RALYL: variants seen among roughly 807,000 people sequenced by gnomAD.
RALYL encodes RNA-binding Raly-like protein.
In RALYL, 29 loss-of-function variants were observed where a neutral mutation model predicts 35.1. The ratio of observed to expected loss-of-function variants is 0.83; its 90% CI spans 0.61 to 1.13. RALYL has a LOEUF of 1.13. Ranked by LOEUF, RALYL falls within the 50% of genes most tolerant of loss-of-function variation. RALYL has a pLI of 0.00. For synonymous variants in RALYL, 120 were observed against 127.6 expected (o/e 0.94, Z 0.40); for missense variants, 359 against 360.4 (o/e 1.00, Z 0.03).
intron 2 of RALYL, among the ~76,000 whole-genome samples, chr8:84,569,520 C>T: frequency 6.6e-6 from 1 of 151,812 alleles, no homozygotes; most frequent in Non-Finnish European, 1.5e-5. Context: ...CAAATATTTT[C>T]TCTCATTCTG....
chr8:84,835,490 C>A (rs1242099332), intron 4 of RALYL, among the ~76,000 whole-genome samples: 1 of 128,720 alleles, frequency 7.8e-6, no homozygotes, highest in Non-Finnish European at 1.6e-5. Context: ...CATGGAGAAA[C>A]CCTGTCTCTA....
intron 1 of RALYL, among the ~76,000 whole-genome samples, chr8:84,319,960 T>A (rs537999349): frequency 2.0e-4 from 31 of 152,092 alleles, no homozygotes; most frequent in Non-Finnish European, 3.7e-4. Flanking sequence ...TGTATAAAAC[T>A]CTTGCATTAC....
At chr8:84,915,703 T>G (rs2135740396) in intron 8 of RALYL, among the ~76,000 whole-genome samples, 1 of 152,212 alleles carries the variant, frequency 6.6e-6, no homozygotes, top group Non-Finnish European at 1.5e-5. Context: ...GCTTCACCAC[T>G]GAACCACTCT....
At chr8:84,872,194 A>C (rs1840309713) in intron 6 of RALYL, among the ~76,000 whole-genome samples, 1 of 152,164 alleles carries the variant, frequency 6.6e-6, no homozygotes, top group Non-Finnish European at 1.5e-5. Flanking sequence ...TGGCTTTAAA[A>C]TCTTTCATCT....
intron 2 of RALYL, among the ~76,000 whole-genome samples, chr8:84,645,658 C>A (rs367558545): frequency 6.6e-6 from 1 of 152,184 alleles, no homozygotes; most frequent in African/African-American, 2.4e-5. Flanking sequence ...TACCCCCAGT[C>A]CTTTGGTCAG....
chr8:84,409,279 A>C (rs949902449), intron 1 of RALYL, among the ~76,000 whole-genome samples: 14 of 152,126 alleles, frequency 9.2e-5, no homozygotes, highest in African/African-American at 3.4e-4. Flanking sequence ...AATTACTCAA[A>C]TATTGTATTG....
chr8:84,394,544 G>A (rs1861378303), intron 1 of RALYL, among the ~76,000 whole-genome samples: 2 of 151,882 alleles, frequency 1.3e-5, no homozygotes, highest in Admixed American at 1.3e-4. Context: ...AATATGATTA[G>A]GATGCTTACT....
Position 84,529,313 on chromosome 8 carries a change from G to C in RALYL, c.-9G>C. 1 of 1,563,268 alleles carries C rather than the reference G, an allele frequency of 6.4e-7. No individual in the cohort carries two copies. Among genetic ancestry groups the C allele is most frequent in the Middle Eastern group, 1.7e-4 (1 of 5,998 alleles). ...GTTTGTTTAAGGATTAAAGCAAGGA[G>C]AGCCAATCATGACTGGCAAAACACA... On this transcript the variant is annotated 5_prime_UTR_variant, in exon 2 of 9. Transcript: ENST00000521268.
intron 1 of RALYL, among the ~76,000 whole-genome samples, chr8:84,522,881 C>A (rs979248116): frequency 1.3e-5 from 2 of 152,192 alleles, no homozygotes; most frequent in Admixed American, 6.5e-5. Flanking sequence ...CATTCTCATG[C>A]TGCTAATAAA....
intron 1 of RALYL, among the ~76,000 whole-genome samples, chr8:84,223,189 C>CATT (rs1822872516): frequency 8.7e-6 from 1 of 114,794 alleles, no homozygotes; most frequent in East Asian, 2.7e-4. Flanking sequence ...CCTTCCCTTC[C>CATT]CTTCCCTTCC....
intron 1 of RALYL, among the ~76,000 whole-genome samples, chr8:84,371,562 C>A (rs1855708915): frequency 6.7e-6 from 1 of 148,984 alleles, no homozygotes; most frequent in African/African-American, 2.6e-5. Flanking sequence ...CACACACACA[C>A]ACACACACAC....
At chr8:84,262,226 T>C (rs1832446736) in intron 1 of RALYL, among the ~76,000 whole-genome samples, 1 of 152,180 alleles carries the variant, frequency 6.6e-6, no homozygotes, top group African/African-American at 2.4e-5. Flanking sequence ...TTCTGGCAAC[T>C]GTGTTATTTC....
chr8:84,584,475 C>T (rs1344780224), intron 2 of RALYL, among the ~76,000 whole-genome samples: 2 of 151,906 alleles, frequency 1.3e-5, no homozygotes, highest in Non-Finnish European at 2.9e-5. Flanking sequence ...TGGTGGCGTG[C>T]ATCTGTAGTC....
rs146656352 is a variant in RALYL at position 84,758,126 on chromosome 8, G to A, written c.257-16453G>A. Among the ~76,000 whole-genome samples, 318 of 152,156 alleles carry A rather than the reference G, an allele frequency of 2.1e-3. 4 individuals carry two copies. The highest frequency in any genetic ancestry group is 6.9e-3 in the African/African-American group (286 of 41,528). Reference sequence around the variant, plus strand: ...TCAACACTGAGGTTTTATTCCATTCGTAATCCAAATAAAAGCTGACTAAAT... The same window carrying A: ...TCAACACTGAGGTTTTATTCCATTCATAATCCAAATAAAAGCTGACTAAAT... On this transcript the variant is annotated intron_variant, in intron 2 of 8. Transcript: ENST00000521268.
intron 1 of RALYL, among the ~76,000 whole-genome samples, chr8:84,208,610 GC>G: frequency 6.6e-6 from 1 of 152,088 alleles, no homozygotes; most frequent in Admixed American, 6.5e-5. Flanking sequence ...TATAATTCCT[GC>G]CCTGCCTTTT....
intron 2 of RALYL, among the ~76,000 whole-genome samples, chr8:84,701,164 A>G (rs1447708696): frequency 3.9e-5 from 6 of 152,126 alleles, no homozygotes; most frequent in East Asian, 1.9e-4. Context: ...TAAACCTGAT[A>G]AACATTTTCT....
intron 4 of RALYL, among the ~76,000 whole-genome samples, chr8:84,827,437 C>A (rs1180027620): frequency 3.3e-5 from 5 of 152,016 alleles, no homozygotes; most frequent in Admixed American, 1.3e-4. Context: ...TCAAATTTTT[C>A]AAGATTAGAA....
At chr8:84,901,522 T>C (rs997880759) in intron 8 of RALYL, among the ~76,000 whole-genome samples, 1 of 152,180 alleles carries the variant, frequency 6.6e-6, no homozygotes, top group African/African-American at 2.4e-5. Flanking sequence ...GAGGGACTAC[T>C]GCAATAGGGA....
chr8:84,810,670 G>C (rs960209565), intron 4 of RALYL, among the ~76,000 whole-genome samples: 3 of 152,130 alleles, frequency 2.0e-5, no homozygotes, highest in Non-Finnish European at 4.4e-5. Flanking sequence ...GGAAGCTCCA[G>C]TGTTAGGTGC....
Sources: gnomAD v4.1 joint callset for allele counts (sites outside exome capture counted in the v4.1 genomes callset) on GRCh38, gnomAD v4.1.1 for gene constraint, MANE v1.5 for transcripts, NCBI Gene and HGNC (gene_info 2026-07-23, HGNC 2026-07-21) for gene names.